SBF2: variants seen among roughly 807,000 people sequenced by gnomAD.
The protein encoded by SBF2 is SET binding factor 2.
Under a neutral mutation model 225.2 loss-of-function variants are expected in SBF2, and 112 were observed. The ratio of observed to expected loss-of-function variants is 0.50; its 90% confidence interval spans 0.43 to 0.58. The LOEUF (loss-of-function observed/expected upper bound fraction) is 0.58. Among genes scored for constraint, SBF2 ranks in the 20% least tolerant of loss-of-function variants. The pLI is 0.00. For synonymous variants in SBF2, 763 were observed against 773.3 expected, an observed-to-expected ratio of 0.99 and a Z score of 0.22; for missense variants, 1,996 against 2,206.2, an observed-to-expected ratio of 0.90 and a Z score of 1.91.
intron 2 of SBF2, among the ~76,000 whole-genome samples, chr11:10,183,855 G>T (rs1253287137): frequency 1.3e-5 from 2 of 152,208 alleles, no homozygotes; most frequent in African/African-American, 4.8e-5. Context: ...GGGAGGGAAG[G>T]AAAGGAAGAG....
chr11:10,166,440 A>C (rs1955953478), intron 2 of SBF2, among the ~76,000 whole-genome samples: 1 of 152,148 alleles, frequency 6.6e-6, no homozygotes, highest in Admixed American at 6.5e-5. Context: ...ATAACTGTCA[A>C]GCGGGGGTGG....
intron 13 of SBF2, among the ~76,000 whole-genome samples, chr11:9,973,176 A>C (rs1277616493): frequency 3.9e-5 from 6 of 152,216 alleles, no homozygotes; most frequent in African/African-American, 7.2e-5. Context: ...AATGAGAGGA[A>C]GTTTAGGGTA....
chr11:10,304,711 G>A (rs1393113287), exon 1 of SBF2: 1 of 152,374 alleles, frequency 6.6e-6, no homozygotes, highest in Non-Finnish European at 1.5e-5. Flanking sequence ...GGCTCTTGCT[G>A]TTCTTCGCCA....
chr11:9,888,903 A>G (rs1343237918), intron 17 of SBF2, among the ~76,000 whole-genome samples: 2 of 152,194 alleles, frequency 1.3e-5, no homozygotes, highest in Non-Finnish European at 2.9e-5. Context: ...TCACTGGGTT[A>G]GATTAGGTAC....
chr11:9,849,958 C>T (rs867707715), intron 22 of SBF2, 65 bp downstream of exon 22: 6 of 1,429,686 alleles, frequency 4.2e-6, no homozygotes, highest in Middle Eastern at 1.8e-4. Flanking sequence ...TCACTGTGCA[C>T]AGATGGGATC....
intron 16 of SBF2, among the ~76,000 whole-genome samples, chr11:9,929,808 C>T (rs1864348638): frequency 6.6e-6 from 1 of 152,194 alleles, no homozygotes; most frequent in Non-Finnish European, 1.5e-5. Flanking sequence ...GCAGAAAATG[C>T]TTTCCAAGAG....
chr11:9,829,931 T>C (rs938636368), intron 27 of SBF2, among the ~76,000 whole-genome samples: 3 of 152,248 alleles, frequency 2.0e-5, no homozygotes, highest in African/African-American at 7.2e-5. Flanking sequence ...CATCCCAGAA[T>C]GGGTAGAGTT....
chr11:9,922,546 T>A (rs1421817623), intron 16 of SBF2, among the ~76,000 whole-genome samples: 1 of 151,830 alleles, frequency 6.6e-6, no homozygotes, highest in Non-Finnish European at 1.5e-5. Context: ...ATTAAACTAG[T>A]TTATCATTAT....
chr11:10,021,174 A>T (rs1194126329), intron 6 of SBF2, among the ~76,000 whole-genome samples: 1 of 152,202 alleles, frequency 6.6e-6, no homozygotes, highest in Admixed American at 6.5e-5. Flanking sequence ...TGTTGGATAC[A>T]TTTTCTAAAA....
chr11:9,839,426 A>C, intron 26 of SBF2, 72 bp downstream of exon 26: 19 of 1,400,890 alleles, frequency 1.4e-5, no homozygotes, highest in Non-Finnish European at 1.9e-5. Flanking sequence ...TATGGATGCA[A>C]ATGGCCTATT....
chr11:10,245,688 T>C (rs1959716806), intron 1 of SBF2, among the ~76,000 whole-genome samples: 1 of 152,220 alleles, frequency 6.6e-6, no homozygotes, highest in Admixed American at 6.5e-5. Flanking sequence ...AAAAGATATC[T>C]GCACTCCCAT....
chr11:9,891,502 G>C lies in SBF2; in HGVS notation c.1929+4441C>G, dbSNP rs183019504. 2.0e-5 allele frequency among the ~76,000 whole-genome samples: 3 copies of C among 152,174 alleles called. No individual in the cohort carries two copies. The East Asian group carries it at 5.8e-4, about 29-fold the overall frequency. On this transcript the variant is annotated intron_variant, in intron 17 of 39. Transcript: ENST00000256190. ...CATTAGTATGTGTCGTGAGGGTAAG[G>C]GATTATGTGTTACTAATCTGTGATT...
intron 17 of SBF2, among the ~76,000 whole-genome samples, chr11:9,881,930 G>A (rs1191219178): frequency 6.6e-6 from 1 of 152,150 alleles, no homozygotes; most frequent in Admixed American, 6.5e-5. Context: ...TGAGGCTGCA[G>A]TGAGCCATGA....
At chr11:10,215,730 C>T (rs1311954643) in intron 1 of SBF2, among the ~76,000 whole-genome samples, 1 of 152,218 alleles carries the variant, frequency 6.6e-6, no homozygotes, top group Non-Finnish European at 1.5e-5. Flanking sequence ...TACTGCAATA[C>T]CTTCATAACT....
chr11:10,065,924 G>T (rs995726269), intron 2 of SBF2, among the ~76,000 whole-genome samples: 1 of 152,092 alleles, frequency 6.6e-6, no homozygotes, highest in Non-Finnish European at 1.5e-5. Flanking sequence ...TCCAGCCTGG[G>T]CAAGAAGAAC....
At chr11:10,269,438 A>T (rs567283026) in intron 1 of SBF2, among the ~76,000 whole-genome samples, 25 of 152,332 alleles carry the variant, frequency 1.6e-4, no homozygotes, top group Admixed American at 1.6e-3. Flanking sequence ...AACCGTAGAG[A>T]AAAGAAGGCA....
At chr11:10,035,583 C>A (rs1236719865) in intron 3 of SBF2, among the ~76,000 whole-genome samples, 1 of 152,130 alleles carries the variant, frequency 6.6e-6, no homozygotes, top group East Asian at 1.9e-4. Context: ...AAACAAACAA[C>A]CCCATCAACA....
intron 2 of SBF2, among the ~76,000 whole-genome samples, chr11:10,155,634 TTAAA>T: frequency 6.6e-6 from 1 of 152,340 alleles, no homozygotes; most frequent in Non-Finnish European, 1.5e-5. Flanking sequence ...ATATAAAGGA[TTAAA>T]TAGTTAAATA....
intron 16 of SBF2, among the ~76,000 whole-genome samples, chr11:9,908,534 G>A: frequency 6.6e-6 from 1 of 152,210 alleles, no homozygotes; most frequent in Non-Finnish European, 1.5e-5. Flanking sequence ...GGCTGAGGCA[G>A]GAGAATGGCG....
Sources: allele counts gnomAD v4.1 joint callset (sites outside exome capture counted in the v4.1 genomes callset), GRCh38; gene constraint gnomAD v4.1.1; transcripts MANE v1.5; gene names NCBI Gene and HGNC (gene_info 2026-07-23, HGNC 2026-07-21).